ETV7: variants seen among roughly 807,000 people sequenced by gnomAD.
ETV7 encodes transcription factor ETV7.
A neutral mutation model predicts 39.1 loss-of-function variants in ETV7; 43 were observed. The observed-to-expected ratio is 1.10, with a 90% CI of 0.86 to 1.42. The LOEUF is 1.42. Ranked by LOEUF, ETV7 falls within the 40% of genes most tolerant of loss-of-function variation. The pLI is 0.00. For synonymous variants in ETV7, 196 were observed against 176.6 expected (o/e 1.11, Z -0.87); for missense variants, 432 against 442.3 (o/e 0.98, Z 0.21).
intron 1 of ETV7, chr6:36,387,043 A>G: frequency 5.2e-6 from 1 of 193,092 alleles, no homozygotes; most frequent in Non-Finnish European, 1.1e-5. Context: ...GGGTCTGATA[A>G]TGGGTATGGG....
chr6:36,379,900 A>G (rs994352066), intron 2 of ETV7, among the ~76,000 whole-genome samples: 1 of 151,880 alleles, frequency 6.6e-6, no homozygotes, highest in African/African-American at 2.4e-5. Context: ...AAGTAAAAAC[A>G]TACAACAACA....
chr6:36,382,897 A>G (rs1041361287), intron 2 of ETV7, among the ~76,000 whole-genome samples: 1 of 152,204 alleles, frequency 6.6e-6, no homozygotes, highest in Non-Finnish European at 1.5e-5. Flanking sequence ...GAAGAGACGC[A>G]GGACCGAGAA....
chr6:36,375,848 G>A (rs1773301899), intron 3 of ETV7, 23 bp downstream of exon 3: 2 of 1,613,604 alleles, frequency 1.2e-6, no homozygotes, highest in Admixed American at 1.7e-5. Context: ...CCGCTTAGAG[G>A]AAAGCCTGTG....
downstream of ETV7, among the ~76,000 whole-genome samples, chr6:36,363,072 A>G (rs934147458): frequency 2.0e-5 from 3 of 151,624 alleles, no homozygotes; most frequent in Non-Finnish European, 2.9e-5. Flanking sequence ...GAGGGCCTGG[A>G]TAAATTCATT....
chr6:36,377,138 C>T (rs1321254890), intron 2 of ETV7, among the ~76,000 whole-genome samples: 1 of 152,156 alleles, frequency 6.6e-6, no homozygotes, highest in Non-Finnish European at 1.5e-5. Flanking sequence ...TTCATGAGCC[C>T]TTGACACATT....
chr6:36,365,802 C>T (rs6930836), downstream of ETV7, among the ~76,000 whole-genome samples: 25,695 of 152,072 alleles, frequency 0.17, 2,458 homozygotes, highest in Admixed American at 0.25. Flanking sequence ...CATCTTCACG[C>T]CTGAATGCCG....
intron 2 of ETV7, among the ~76,000 whole-genome samples, chr6:36,382,273 G>A (rs189154734): frequency 3.3e-5 from 5 of 152,168 alleles, no homozygotes; most frequent in East Asian, 1.9e-4. Context: ...TTTATAATGC[G>A]CTCTGATGTG....
At position 36,366,569 on chromosome 6, in the gene ETV7, GGGA is replaced by G. The variant is rs1772727276; in HGVS notation, c.*73_*75del. 1.5e-5 allele frequency: 24 copies of G among 1,605,838 alleles called. No individual in the cohort carries two copies. In the South Asian group the frequency reaches 2.3e-4, roughly 16 times the overall value. On this transcript the variant is annotated 3_prime_UTR_variant, in exon 8 of 8. Transcript: ENST00000340181. ...TGGCTGGGGATCCTGCTGCTCTGCT[GGGA>G]GGAGGAGTCTGCCTTCATGGGAGAC...
intron 7 of ETV7, among the ~76,000 whole-genome samples, chr6:36,358,155 G>C (rs1230483125): frequency 6.6e-6 from 1 of 152,232 alleles, no homozygotes; most frequent in Non-Finnish European, 1.5e-5. Flanking sequence ...TGATACAGTA[G>C]CTGCAGATGA....
chr6:36,363,422 G>GAC (rs1334432752), downstream of ETV7, among the ~76,000 whole-genome samples: 8 of 151,086 alleles, frequency 5.3e-5, no homozygotes, highest in Non-Finnish European at 1.0e-4. Context: ...TGAAGCTGCA[G>GAC]ACCTTCACGG....
chr6:36,371,380 A>G lies in ETV7; in HGVS notation c.614T>C (p.Val205Ala), dbSNP rs763647032. The change falls in exon 5 of 8, where the codon GTC (valine) becomes GCC (alanine). Residue 205 changes from valine to alanine, a missense_variant. By Grantham distance (64) the Val-to-Ala change is moderately conservative. Transcript: ENST00000340181. The part of the protein sequence containing the change: ...CAELGCRTQG[V>A]CSFPAMPQAP... Reference sequence around the variant, plus strand: ...CTGCGGCATCGCGGGGAAGGAACAGACCCCCTGGGTCCTGCAGCCGAGCTC... The same window carrying G: ...CTGCGGCATCGCGGGGAAGGAACAGGCCCCCTGGGTCCTGCAGCCGAGCTC... 2.5e-6 allele frequency: 4 copies of G among 1,599,422 alleles called. No homozygotes were observed. Among genetic ancestry groups the G allele is most frequent in the Non-Finnish European group, 3.4e-6 (4 of 1,172,580 alleles).
downstream of ETV7, among the ~76,000 whole-genome samples, chr6:36,362,648 G>A (rs1274793705): frequency 6.6e-6 from 1 of 152,188 alleles, no homozygotes; most frequent in Non-Finnish European, 1.5e-5. Flanking sequence ...AGGCACCCAG[G>A]GGTCCATCCC....
At chr6:36,376,864 G>C (rs547468204) in intron 2 of ETV7, among the ~76,000 whole-genome samples, 23 of 151,896 alleles carry the variant, frequency 1.5e-4, no homozygotes, top group Admixed American at 1.4e-3. Flanking sequence ...TAGCCCACAC[G>C]CATACAGGCA....
At chr6:36,354,617 C>G (rs1388041187) in exon 8 of ETV7, 1 of 694,130 alleles carries the variant, frequency 1.4e-6, no homozygotes, top group Non-Finnish European at 2.6e-6. Context: ...GTTTTTCTTT[C>G]CAAGACTGTT....
In ETV7 at chr6:36,366,731, C is replaced by G. The variant is rs748697019; in HGVS notation, c.940G>C (p.Asp314His). The G allele has an allele frequency of 6.2e-7, 1 of 1,614,074 alleles. No individual in the cohort carries two copies. Among genetic ancestry groups the G allele is most frequent in the South Asian group, 1.1e-5 (1 of 91,076 alleles). ...AGCGGCTCCAGGTGGCTGTGCTTGT[C>G]CTGGACCATCTTTCCCGGAGTCTTT... ...FLKTPGKMVQ[D>H]KHSHLEPLES... Residue 314 changes from aspartate to histidine, a missense_variant, in exon 8 of 8, where the codon GAC (aspartate) becomes CAC (histidine). Physicochemically the swap from Asp to His is moderately conservative, Grantham distance 81. Transcript: ENST00000340181.
At chr6:36,369,126 C>G in intron 5 of ETV7, 55 bp from the exon 6 acceptor site, 1 of 1,606,838 alleles carries the variant, frequency 6.2e-7, no homozygotes, top group Non-Finnish European at 8.5e-7. Context: ...GCTGTGAGGA[C>G]AGGTGTTAGA....
chr6:36,362,485 TTGACACATGAAATTTTCAA>T (rs72248439), downstream of ETV7, among the ~76,000 whole-genome samples: 10,687 of 152,144 alleles, frequency 0.07, 693 homozygotes, highest in African/African-American at 0.16. Flanking sequence ...GAAGTTCACT[TTGACACATGAAATTTTCAA>T]TGACCTGCCA....
intron 7 of ETV7, 47 bp from the exon 8 acceptor site, chr6:36,366,809 G>T (rs774929419): frequency 1.2e-6 from 2 of 1,612,960 alleles, no homozygotes; most frequent in Admixed American, 1.7e-5. Context: ...CCCAGCTGCA[G>T]GGGGATTCCA....
At chr6:36,373,189 G>C (rs539109912) in intron 4 of ETV7, among the ~76,000 whole-genome samples, 4 of 152,168 alleles carry the variant, frequency 2.6e-5, no homozygotes, top group African/African-American at 9.6e-5. Context: ...TGGTTTCCAC[G>C]GAGGGCTGCA....
Sources: gnomAD v4.1 joint callset for allele counts (sites outside exome capture counted in the v4.1 genomes callset) on GRCh38, gnomAD v4.1.1 for gene constraint, MANE v1.5 for transcripts, NCBI Gene and HGNC (gene_info 2026-07-23, HGNC 2026-07-21) for gene names.